ARHGAP22: variants seen among roughly 807,000 people sequenced by gnomAD.
ARHGAP22 encodes the protein Rho GTPase activating protein 22.
In ARHGAP22, 48 loss-of-function variants were observed where a neutral mutation model predicts 59.1. The ratio of observed to expected loss-of-function variants is 0.81; its 90% CI spans 0.64 to 1.03. The LOEUF is 1.03. Among genes scored for constraint, ARHGAP22 ranks in the 50% least tolerant of loss-of-function variants. The pLI is 0.00. For synonymous variants in ARHGAP22, 445 were observed against 416.4 expected (o/e 1.07, Z -0.84); for missense variants, 1,015 against 958.7 (o/e 1.06, Z -0.78).
upstream of ARHGAP22, among the ~76,000 whole-genome samples, chr10:48,608,821 T>C (rs2060774134): frequency 6.6e-6 from 1 of 152,216 alleles, no homozygotes; most frequent in African/African-American, 2.4e-5. Flanking sequence ...CATTAGAAAT[T>C]AATGTATATA....
intron 1 of ARHGAP22, among the ~76,000 whole-genome samples, chr10:48,649,573 A>G (rs908396431): frequency 1.3e-5 from 2 of 152,156 alleles, no homozygotes; most frequent in African/African-American, 2.4e-5. Flanking sequence ...GGGGAGTGCC[A>G]GGAGGGTCAG....
intron 5 of ARHGAP22, among the ~76,000 whole-genome samples, chr10:48,457,026 G>A (rs946310799): frequency 6.6e-6 from 1 of 152,140 alleles, no homozygotes; most frequent in African/African-American, 2.4e-5. Flanking sequence ...GGAGGGTGGG[G>A]GCAGGGGTGG....
In ARHGAP22 at chr10:48,571,367, A is replaced by C. The variant is rs187041801; in HGVS notation, c.234+11586T>G. Among the ~76,000 whole-genome samples the C allele has an allele frequency of 2.6e-4, 39 of 152,252 alleles. No individual in the cohort carries two copies. In the East Asian group the frequency reaches 7.3e-3, roughly 29 times the overall value. ...CCTTAGCAAGATTTCTTTTCTCCAG[A>C]TGACTTATTCAGTTATTCCTCCTAT... On this transcript the variant is annotated intron_variant, in intron 2 of 9. Coordinates refer to ENST00000249601, the MANE Select transcript of ARHGAP22 (RefSeq NM_021226.4).
rs577989449 is a variant in ARHGAP22 at position 48,489,402 on chromosome 10, G to T, written c.323-9638C>A. ...GTTTGTTTGCCCATAAACTCATTCT[G>T]TTTTCTCAATATAAAATCTTCCTTA... On this transcript the variant is annotated intron_variant, in intron 3 of 9. Transcript: ENST00000249601. Among the ~76,000 whole-genome samples, 60 of 152,272 alleles carry T rather than the reference G, an allele frequency of 3.9e-4. 3 individuals are homozygous for T. In the South Asian group the frequency reaches 0.012, roughly 29 times the overall value.
intron 1 of ARHGAP22, among the ~76,000 whole-genome samples, chr10:48,618,239 C>A (rs2061157046): frequency 1.3e-5 from 2 of 151,776 alleles, no homozygotes; most frequent in South Asian, 4.2e-4. Context: ...AAGCCCAGGA[C>A]CTAATGCAGA....
At chr10:48,597,420 T>C (rs1170267191) in intron 1 of ARHGAP22, among the ~76,000 whole-genome samples, 1 of 151,854 alleles carries the variant, frequency 6.6e-6, no homozygotes, top group Non-Finnish European at 1.5e-5. Context: ...AGCTTAGCAG[T>C]GGGTGAGGAG....
chr10:48,649,971 G>A (rs1267224236), intron 1 of ARHGAP22, among the ~76,000 whole-genome samples: 1 of 151,450 alleles, frequency 6.6e-6, no homozygotes, highest in Non-Finnish European at 1.5e-5. Flanking sequence ...ATCTCCATTA[G>A]CTGAGAAAGA....
intron 3 of ARHGAP22, among the ~76,000 whole-genome samples, chr10:48,540,400 T>C (rs2055821423): frequency 6.6e-6 from 1 of 152,118 alleles, no homozygotes; most frequent in South Asian, 2.1e-4. Flanking sequence ...CCTGGCTAAT[T>C]TTGTATTTTT....
chr10:48,559,102 T>A (rs528859909), intron 2 of ARHGAP22, among the ~76,000 whole-genome samples: 1 of 152,302 alleles, frequency 6.6e-6, no homozygotes, highest in East Asian at 1.9e-4. Context: ...GGGAATTCTT[T>A]GAGGAGCGCA....
chr10:48,552,628 T>C (rs2135282431), intron 3 of ARHGAP22, among the ~76,000 whole-genome samples: 1 of 152,352 alleles, frequency 6.6e-6, no homozygotes, highest in South Asian at 2.1e-4. Flanking sequence ...TTATTGTGCC[T>C]TGAGCTCAGG....
At chr10:48,539,291 ATTTTTTTT>A (rs56801787) in intron 3 of ARHGAP22, among the ~76,000 whole-genome samples, 2 of 136,262 alleles carry the variant, frequency 1.5e-5, no homozygotes, top group African/African-American at 5.7e-5. Flanking sequence ...GAAGGGTAAC[ATTTTTTTT>A]TTTTTTTTTT....
At chr10:48,487,934 G>C (rs1030304160) in intron 3 of ARHGAP22, among the ~76,000 whole-genome samples, 22 of 152,184 alleles carry the variant, frequency 1.4e-4, no homozygotes, top group African/African-American at 4.6e-4. Flanking sequence ...GCCAGGCACG[G>C]CATGACCAAG....
chr10:48,631,298 A>T (rs1387673486), intron 1 of ARHGAP22, among the ~76,000 whole-genome samples: 1 of 152,208 alleles, frequency 6.6e-6, no homozygotes. Flanking sequence ...TTTGGGTATT[A>T]GGGTGCTGTT....
At chr10:48,543,006 T>A (rs1246654899) in intron 3 of ARHGAP22, among the ~76,000 whole-genome samples, 1 of 152,134 alleles carries the variant, frequency 6.6e-6, no homozygotes, top group Admixed American at 6.5e-5. Context: ...ACGGTCCTAG[T>A]GACTGGTGGG....
intron 1 of ARHGAP22, among the ~76,000 whole-genome samples, chr10:48,595,926 T>A (rs1326142400): frequency 6.6e-6 from 1 of 152,174 alleles, no homozygotes; most frequent in Non-Finnish European, 1.5e-5. Context: ...CGCCTCGGCA[T>A]GAAGAACTAG....
Position 48,494,384 on chromosome 10 carries a change from G to A in ARHGAP22, c.323-14620C>T, listed in dbSNP as rs114594803. On this transcript the variant is annotated intron_variant, in intron 3 of 9. Transcript: ENST00000249601. ...GGTCTCCTCTCCTCCAGCAGCAGTC[G>A]CCCCTCCCAGGATGTGGTTTCAGGA... 2.2e-3 allele frequency among the ~76,000 whole-genome samples: 331 copies of A among 152,192 alleles called. 1 individual carries two copies. Among genetic ancestry groups the A allele is most frequent in the African/African-American group, 7.2e-3 (297 of 41,530 alleles).
intron 2 of ARHGAP22, among the ~76,000 whole-genome samples, chr10:48,561,960 C>T (rs2057713363): frequency 6.6e-6 from 1 of 152,192 alleles, no homozygotes; most frequent in Non-Finnish European, 1.5e-5. Context: ...GGAGCAGTGG[C>T]TCACGCCTGT....
At position 48,450,493 on chromosome 10, in the gene ARHGAP22, C is replaced by T; in HGVS notation, c.1636G>A (p.Asp546Asn). The T allele has an allele frequency of 2.0e-6, 3 of 1,532,458 alleles. No individual in the cohort carries two copies. Among genetic ancestry groups the T allele is most frequent in the Middle Eastern group, 1.7e-4 (1 of 5,734 alleles). 94.9% of individuals were successfully genotyped at this position (1,532,458 alleles called of 1,614,324 possible). A position where few individuals can be genotyped will look rare whatever the true frequency, so the allele number is the denominator to read the frequency against. The change falls in exon 9 of 10, where the codon GAC becomes AAC. Residue 546 changes from aspartate to asparagine, a missense_variant. Asp to Asn is a conservative substitution (Grantham distance 23). Coordinates refer to ENST00000249601, the MANE Select transcript of ARHGAP22 (RefSeq NM_021226.4). ...DSSARSSLHT[D>N]WALEPSPLPS... ...AGCGGGGAGGGCTCCAGGGCCCAGT[C>T]GGTGTGCAGGGAACTGCGGGCAGAC...
chr10:48,497,200 C>T (rs959772630), intron 3 of ARHGAP22, among the ~76,000 whole-genome samples: 9 of 152,346 alleles, frequency 5.9e-5, no homozygotes, highest in South Asian at 2.1e-4. Context: ...ATTATCAAAA[C>T]GGCAAGATGT....
Sources: gnomAD v4.1 joint callset for allele counts (sites outside exome capture counted in the v4.1 genomes callset) on GRCh38, gnomAD v4.1.1 for gene constraint, MANE v1.5 for transcripts, NCBI Gene and HGNC (gene_info 2026-07-23, HGNC 2026-07-21) for gene names.